Variants in EVI2B observed in about 807,000 individuals in gnomAD.
The protein encoded by EVI2B is ecotropic viral integration site 2B, also known as protein EVI2B.
In EVI2B, 4 loss-of-function variants were observed where a neutral mutation model predicts 6.6. The observed-to-expected ratio is 0.61, with a 90% confidence interval of 0.30 to 1.39. The LOEUF (loss-of-function observed/expected upper bound fraction) is 1.39. EVI2B is among the 40% of genes most tolerant of loss of function. The pLI, the probability that EVI2B is intolerant of heterozygous loss-of-function variation, is 0.08. For missense variants in EVI2B, 484 were observed against 516.6 expected (o/e 0.94, Z 0.61); for synonymous variants, 181 against 186.8 (o/e 0.97, Z 0.25).
intron 1 of EVI2B, among the ~76,000 whole-genome samples, chr17:31,313,107 A>G (rs1485949970): frequency 1.3e-5 from 2 of 152,142 alleles, no homozygotes; most frequent in Non-Finnish European, 2.9e-5. Flanking sequence ...TATAAAATCT[A>G]TATGTAAAAA....
chr17:31,313,565 G>C (rs188195050), intron 1 of EVI2B, among the ~76,000 whole-genome samples: 1 of 151,936 alleles, frequency 6.6e-6, no homozygotes, highest in Non-Finnish European at 1.5e-5. Context: ...AATTAGCCAG[G>C]CGTGGTGGTG....
At chr17:31,306,132 C>G (rs975111336) in intron 1 of EVI2B, among the ~76,000 whole-genome samples, 2 of 152,140 alleles carry the variant, frequency 1.3e-5, no homozygotes, top group African/African-American at 4.8e-5. Context: ...TTAGACACTA[C>G]TGTTCCTTCA....
Position 31,307,864 on chromosome 17 carries a change from G to A in EVI2B, c.-21-2234C>T, listed in dbSNP as rs564247966. 8.6e-6 allele frequency: 11 copies of A among 1,283,626 alleles called. No homozygotes were observed. The East Asian group carries it at 5.0e-4, about 58-fold the overall frequency. 79.5% of individuals were successfully genotyped at this position (1,283,626 alleles called of 1,614,324 possible). The stretch of plus-strand genomic sequence containing the variant: ...GAGATTTGATGTTCTGTTGGAAGGT[G>A]CAATAAAGGTTTTACAAATTACCTT... On this transcript the variant is annotated intron_variant, in intron 1 of 1. Transcript: ENST00000330927.
At position 31,305,409 on chromosome 17, in the gene EVI2B, A is replaced by G; in HGVS notation, c.201T>C (p.Ser67=). 6.2e-7 allele frequency: 1 copy of G among 1,614,222 alleles called. No individual in the cohort carries two copies. The highest frequency in any genetic ancestry group is 8.5e-7 in the Non-Finnish European group (1 of 1,180,038). The change falls in exon 2 of 2, where the codon TCT becomes TCC. Residue 67 remains serine (S), a synonymous_variant. Transcript: ENST00000330927. ...GQPTQFSDTF[S]GQSISPAKVT... ...CTTTGGCAGGTGATATTGATTGTCCAGAAAAAGTGTCGCTGAATTGTGTTG... is the reference window on the plus strand; with the variant it reads ...CTTTGGCAGGTGATATTGATTGTCCGGAAAAAGTGTCGCTGAATTGTGTTG...
Position 31,305,299 on chromosome 17 carries a change from T to C in EVI2B, c.311A>G (p.Tyr104Cys). 6.2e-7 allele frequency: 1 copy of C among 1,614,154 alleles called. No homozygotes were observed. Among genetic ancestry groups the C allele is most frequent in the Non-Finnish European group, 8.5e-7 (1 of 1,180,030 alleles). ...AHTSAGQPLAYNTKQPTPIAN... is the reference protein window; with the variant it reads ...AHTSAGQPLACNTKQPTPIAN... Reference sequence around the variant, plus strand: ...TATTGGTGTTGGTTGTTTGGTGTTGTAGGCAAGTGGTTGTCCAGCAGAAGT... The same window carrying C: ...TATTGGTGTTGGTTGTTTGGTGTTGCAGGCAAGTGGTTGTCCAGCAGAAGT... Residue 104 changes from tyrosine to cysteine, a missense_variant, in exon 2 of 2, where the codon TAC (tyrosine) becomes TGC (cysteine). Transcript: ENST00000330927.
At position 31,311,794 on chromosome 17, in the gene EVI2B, G is replaced by A. The variant is rs116987897; in HGVS notation, c.-22+2185C>T. On this transcript the variant is annotated intron_variant, in intron 1 of 1. Transcript: ENST00000330927. The stretch of plus-strand genomic sequence containing the variant: ...ATCATGCTAATCTTGTGCCAGAACC[G>A]TTTCTTTCTATCACATTTCACTGTA... 6.6e-5 allele frequency among the ~76,000 whole-genome samples: 10 copies of A among 152,224 alleles called. No individual in the cohort carries two copies. In the East Asian group the frequency reaches 1.2e-3, roughly 18 times the overall value.
chr17:31,313,465 A>G (rs2151519839), intron 1 of EVI2B, among the ~76,000 whole-genome samples: 1 of 152,182 alleles, frequency 6.6e-6, no homozygotes, highest in Admixed American at 6.5e-5. Context: ...GCACTTTGGG[A>G]GGCGGAGGTA....
chr17:31,310,141 G>T (rs2068830153), intron 1 of EVI2B, among the ~76,000 whole-genome samples: 1 of 152,154 alleles, frequency 6.6e-6, no homozygotes, highest in Admixed American at 6.6e-5. Context: ...TATGTAAGTG[G>T]TGTGTACCTG....
chr17:31,310,661 A>C (rs1480174823), intron 1 of EVI2B, among the ~76,000 whole-genome samples: 2 of 151,924 alleles, frequency 1.3e-5, no homozygotes, highest in African/African-American at 4.8e-5. Flanking sequence ...GACACTATCC[A>C]GAAGCATACC....
At chr17:31,313,589 C>T (rs1206336757) in intron 1 of EVI2B, among the ~76,000 whole-genome samples, 2 of 151,550 alleles carry the variant, frequency 1.3e-5, no homozygotes, top group Non-Finnish European at 2.9e-5. Flanking sequence ...GCCTGTAATC[C>T]GAGCTACTTG....
intron 1 of EVI2B, among the ~76,000 whole-genome samples, chr17:31,312,472 T>C (rs1023088823): frequency 1.4e-5 from 2 of 147,282 alleles, no homozygotes; most frequent in Admixed American, 1.4e-4. Flanking sequence ...TGAGCCAAGA[T>C]GGTGCCGCTG....
rs1208250208 is a variant in EVI2B, at chr17:31,304,778, T to C, written c.832A>G (p.Ser278Gly). Residue 278 changes from serine to glycine, a missense_variant, in exon 2 of 2, where the codon AGC becomes GGC. Physicochemically the swap from Ser to Gly is moderately conservative, Grantham distance 56. Coordinates refer to ENST00000330927, the MANE Select transcript of EVI2B (RefSeq NM_006495.4). ...SIISLTPWKP[S>G]KSTLLADDLE... is the part of the protein sequence containing the mutation. ...TCATCTGCTAAAAGTGTGCTTTTGC[T>C]TGGTTTCCAGGGTGTAAGTGAAATG... is the stretch of plus-strand genomic sequence containing the variant. The C allele has an allele frequency of 1.2e-6, 2 of 1,614,022 alleles. No individual in the cohort carries two copies. Among genetic ancestry groups the C allele is most frequent in the Non-Finnish European group, 1.7e-6 (2 of 1,180,018 alleles).
chr17:31,312,338 C>T (rs1399061514), intron 1 of EVI2B, among the ~76,000 whole-genome samples: 2 of 151,772 alleles, frequency 1.3e-5, no homozygotes, highest in Non-Finnish European at 2.9e-5. Flanking sequence ...GGTGAAACCC[C>T]GTTTCTACTA....
intron 1 of EVI2B, among the ~76,000 whole-genome samples, chr17:31,306,739 C>T (rs1008315447): frequency 3.4e-4 from 51 of 151,450 alleles, no homozygotes; most frequent in African/African-American, 1.1e-3. Context: ...CTGCTGCTTT[C>T]ATTCATCTAT....
chr17:31,304,093 CTTT>C lies in EVI2B; in HGVS notation c.*167_*169del. 1.7e-6 allele frequency: 1 copy of C among 578,516 alleles called. No individual in the cohort carries two copies. The allele number at this position is 578,516 out of a possible 1,614,324, so 35.8% of individuals were successfully genotyped here. Reference sequence around the variant, plus strand: ...TAGTAAATAGATTACTGTTAAATAACTTTTTTTAAAAAAAAGTTTCATCTATGC... The same window carrying C: ...TAGTAAATAGATTACTGTTAAATAACTTTTAAAAAAAAGTTTCATCTATGC... On this transcript the variant is annotated 3_prime_UTR_variant, in exon 2 of 2. Coordinates refer to ENST00000330927, the MANE Select transcript of EVI2B (RefSeq NM_006495.4).
chr17:31,304,580 G>A lies in EVI2B; in HGVS notation c.1030C>T (p.Leu344Phe). Residue 344 changes from leucine to phenylalanine, a missense_variant, in exon 2 of 2, where the codon CTT (leucine) becomes TTT (phenylalanine). Transcript: ENST00000330927. ...CTTTCCTGTCCTTCCAAATCCAGAA[G>A]GGGAGGTGGTGGAGGCAGATCTGCA... ...DDADLPPPPP[L>F]LDLEGQESNQ... The A allele has an allele frequency of 6.2e-7, 1 of 1,614,170 alleles. No homozygotes were observed. The highest frequency in any genetic ancestry group is 8.5e-7 in the Non-Finnish European group (1 of 1,180,034).
intron 1 of EVI2B, among the ~76,000 whole-genome samples, chr17:31,309,515 G>A (rs986001227): frequency 6.6e-6 from 1 of 152,004 alleles, no homozygotes; most frequent in Non-Finnish European, 1.5e-5. Flanking sequence ...AAAAAAAGGC[G>A]GGGGGACTTC....
intron 1 of EVI2B, among the ~76,000 whole-genome samples, chr17:31,308,286 A>G (rs994697151): frequency 3.3e-5 from 5 of 151,864 alleles, no homozygotes; most frequent in Admixed American, 6.6e-5. Context: ...TACAGTAGGC[A>G]TACACTACCA....
chr17:31,304,946 T>C lies in EVI2B; in HGVS notation c.664A>G (p.Ile222Val). ...TTCCTTAAGCATTTCCAAAGTACAA[T>C]GATGATTATAGCTACCAACATAGAA... ...LTSMLVAIII[I>V]VLWKCLRKPV... The change falls in exon 2 of 2, where the codon ATT becomes GTT. Residue 222 changes from isoleucine to valine, a missense_variant. Ile to Val is a conservative substitution (Grantham distance 29). Coordinates refer to ENST00000330927, the MANE Select transcript of EVI2B (RefSeq NM_006495.4). 1 of 1,614,118 alleles carries C rather than the reference T, an allele frequency of 6.2e-7. No homozygotes were observed. Among genetic ancestry groups the C allele is most frequent in the African/African-American group, 1.3e-5 (1 of 75,022 alleles).
Sources: gnomAD v4.1 joint callset for allele counts (sites outside exome capture counted in the v4.1 genomes callset) on GRCh38, gnomAD v4.1.1 for gene constraint, MANE v1.5 for transcripts, NCBI Gene and HGNC (gene_info 2026-07-23, HGNC 2026-07-21) for gene names.